GRM8: variants seen among roughly 807,000 people sequenced by gnomAD.
GRM8 encodes the protein metabotropic glutamate receptor 8.
Under a neutral mutation model 87.2 loss-of-function variants are expected in GRM8, and 47 were observed. That is an observed-to-expected ratio of 0.54 (90% confidence interval 0.43 to 0.69). GRM8 has a LOEUF of 0.69. GRM8 is among the 30% of genes least tolerant of loss of function. The probability of loss-of-function intolerance (pLI) is 0.00; values close to 1 mark genes in which losing one functional copy is unlikely to be tolerated. For synonymous variants in GRM8, 396 were observed against 404.5 expected (o/e 0.98, Z 0.25); for missense variants, 1,019 against 1,139.2 (o/e 0.89, Z 1.52).
intron 1 of GRM8, among the ~76,000 whole-genome samples, chr7:127,246,980 G>C (rs1316123065): frequency 6.6e-6 from 1 of 152,214 alleles, no homozygotes; most frequent in Non-Finnish European, 1.5e-5. Context: ...CCTGTCCTTG[G>C]AGAAAGACCC....
intron 7 of GRM8, among the ~76,000 whole-genome samples, chr7:126,694,281 T>A (rs1261152522): frequency 2.6e-5 from 4 of 152,144 alleles, no homozygotes; most frequent in African/African-American, 7.2e-5. Flanking sequence ...ATTGTTAGAA[T>A]TAAATGAAAC....
At chr7:127,174,608 T>C (rs562825408) in intron 2 of GRM8, among the ~76,000 whole-genome samples, 2 of 152,306 alleles carry the variant, frequency 1.3e-5, no homozygotes, top group East Asian at 3.9e-4. Flanking sequence ...CTCAATTATT[T>C]TTCAGTCTCT....
intron 2 of GRM8, among the ~76,000 whole-genome samples, chr7:127,116,869 A>G (rs1489360646): frequency 6.6e-6 from 1 of 152,196 alleles, no homozygotes; most frequent in Admixed American, 6.5e-5. Context: ...ATGTTTTCAA[A>G]TACTATATGC....
At chr7:126,720,892 C>T (rs899882890) in intron 7 of GRM8, among the ~76,000 whole-genome samples, 13 of 152,218 alleles carry the variant, frequency 8.5e-5, no homozygotes, top group African/African-American at 3.1e-4. Flanking sequence ...TCAGAGCTTT[C>T]AGATGGCTTT....
At chr7:126,839,703 G>A (rs1284903043) in intron 6 of GRM8, among the ~76,000 whole-genome samples, 1 of 152,146 alleles carries the variant, frequency 6.6e-6, no homozygotes, top group Admixed American at 6.5e-5. Flanking sequence ...GTGCATTTTG[G>A]TTTGTCCATT....
chr7:126,903,765 ATG>A lies in GRM8; in HGVS notation c.1018+205_1018+206del, dbSNP rs72467951. On this transcript the variant is annotated intron_variant, in intron 5 of 10. Transcript: ENST00000339582. ...TATATATGTATATGTGTATATATAT[ATG>A]TGTGTGTGTATATATATATATATAT... is the stretch of plus-strand genomic sequence containing the variant. Among the ~76,000 whole-genome samples the A allele has an allele frequency of 4.2e-5, 4 of 95,846 alleles. 1 individual carries two copies. Among genetic ancestry groups the A allele is most frequent in the Non-Finnish European group, 4.2e-5 (2 of 47,826 alleles). The allele number at this position is 95,846 out of a possible 152,430, so 62.9% of individuals were successfully genotyped here.
chr7:126,753,444 A>G (rs1432239240), intron 7 of GRM8, among the ~76,000 whole-genome samples: 3 of 151,808 alleles, frequency 2.0e-5, no homozygotes, highest in East Asian at 1.9e-4. Flanking sequence ...ACACACATAT[A>G]TACACACATA....
At chr7:126,883,556 T>G (rs527867307) in intron 6 of GRM8, among the ~76,000 whole-genome samples, 2 of 152,316 alleles carry the variant, frequency 1.3e-5, no homozygotes, top group African/African-American at 4.8e-5. Flanking sequence ...TCCTTCTAAC[T>G]CTATAAAAAT....
At chr7:126,893,851 G>A (rs1394843005) in intron 6 of GRM8, among the ~76,000 whole-genome samples, 1 of 151,940 alleles carries the variant, frequency 6.6e-6, no homozygotes, top group Admixed American at 6.6e-5. Context: ...GCCTTAGTAA[G>A]CTCTAATCAC....
chr7:126,515,580 A>T lies in GRM8; in HGVS notation c.2430+17372T>A, dbSNP rs56774396. 4.0e-3 allele frequency among the ~76,000 whole-genome samples: 614 copies of T among 152,174 alleles called. 1 individual carries two copies. The highest frequency in any genetic ancestry group is 0.014 in the African/African-American group (592 of 41,530). ...AAATGGGTCTCACTTGGCTAAAATC[A>T]AATTAGCAGCAAGATTGCATTGCTT... On this transcript the variant is annotated intron_variant, in intron 9 of 10. Transcript: ENST00000339582.
At chr7:126,514,510 G>C (rs1811896700) in intron 9 of GRM8, among the ~76,000 whole-genome samples, 1 of 152,074 alleles carries the variant, frequency 6.6e-6, no homozygotes, top group Non-Finnish European at 1.5e-5. Context: ...TGTGGTCAAA[G>C]TATGCATTAG....
chr7:126,920,000 T>G (rs1206574760), intron 3 of GRM8, among the ~76,000 whole-genome samples: 1 of 152,166 alleles, frequency 6.6e-6, no homozygotes, highest in Non-Finnish European at 1.5e-5. Context: ...ATCCACATGT[T>G]GAAGCCCTGC....
At chr7:126,446,504 G>A (rs1752201912) in intron 9 of GRM8, 132 bp from the exon 10 acceptor site, 1 of 622,704 alleles carries the variant, frequency 1.6e-6, no homozygotes. Context: ...TATTGAAATT[G>A]TCCTTAATTA....
intron 7 of GRM8, among the ~76,000 whole-genome samples, chr7:126,677,770 T>C (rs1807138069): frequency 6.6e-6 from 1 of 152,188 alleles, no homozygotes; most frequent in Admixed American, 6.5e-5. Context: ...GGATGACAGG[T>C]ATCCTAAAAG....
intron 7 of GRM8, among the ~76,000 whole-genome samples, chr7:126,755,840 G>A (rs58358480): frequency 6.6e-6 from 1 of 151,934 alleles, no homozygotes; most frequent in African/African-American, 2.4e-5. Flanking sequence ...TAAGAATGCT[G>A]TTTCCTAGAA....
intron 2 of GRM8, among the ~76,000 whole-genome samples, chr7:127,142,623 T>G (rs1812644901): frequency 6.6e-6 from 1 of 152,106 alleles, no homozygotes; most frequent in African/African-American, 2.4e-5. Flanking sequence ...TGATGAAATA[T>G]TTTTCCAGAT....
At chr7:126,929,485 G>A (rs1463285513) in intron 3 of GRM8, among the ~76,000 whole-genome samples, 1 of 152,016 alleles carries the variant, frequency 6.6e-6, no homozygotes, top group Non-Finnish European at 1.5e-5. Flanking sequence ...CCAGGCTGCA[G>A]TGCAGTGGCG....
intron 2 of GRM8, among the ~76,000 whole-genome samples, chr7:127,173,339 T>C (rs576867555): frequency 6.6e-6 from 1 of 152,246 alleles, no homozygotes; most frequent in African/African-American, 2.4e-5. Flanking sequence ...GAATTAGCCA[T>C]GTGGACATCT....
chr7:127,232,208 TGTGTGAGA>T (rs1223350157), intron 2 of GRM8, among the ~76,000 whole-genome samples: 90 of 147,278 alleles, frequency 6.1e-4, no homozygotes, highest in Middle Eastern at 6.9e-3. Flanking sequence ...TGTGTGTGTG[TGTGTGAGA>T]GAGAGAGAGA....
Sources: gnomAD v4.1 joint callset for allele counts (sites outside exome capture counted in the v4.1 genomes callset) on GRCh38, gnomAD v4.1.1 for gene constraint, MANE v1.5 for transcripts, NCBI Gene and HGNC (gene_info 2026-07-23, HGNC 2026-07-21) for gene names.